Variants in OPCML observed in about 807,000 individuals in gnomAD.
The protein encoded by OPCML is opioid-binding protein/cell adhesion molecule.
In OPCML, 13 loss-of-function variants were observed where a neutral mutation model predicts 37.8. That is an observed-to-expected ratio of 0.34 (90% CI 0.22 to 0.55). The LOEUF (loss-of-function observed/expected upper bound fraction) is 0.55, where lower values mean the gene tolerates loss of function less well. Ranked by LOEUF, OPCML falls within the 20% of genes least tolerant of loss-of-function variation. OPCML has a pLI of 0.91. For synonymous variants in OPCML, 176 were observed against 168.8 expected, an observed-to-expected ratio of 1.04 and a Z score of -0.33; for missense variants, 341 against 435.6, an observed-to-expected ratio of 0.78 and a Z score of 1.93.
At chr11:132,516,226 T>C (rs1387774841) in intron 4 of OPCML, among the ~76,000 whole-genome samples, 6 of 152,120 alleles carry the variant, frequency 3.9e-5, no homozygotes, top group African/African-American at 2.4e-5. Context: ...ATAGTTATAG[T>C]GGGGGAAATG....
chr11:133,508,251 C>G (rs781002022), intron 1 of OPCML, among the ~76,000 whole-genome samples: 1 of 152,090 alleles, frequency 6.6e-6, no homozygotes. Flanking sequence ...AGAAAATGTG[C>G]TTGGGCTGGG....
chr11:133,120,151 GCTT>G lies in OPCML; in HGVS notation c.62-177144_62-177142del, dbSNP rs140025495. ...TCAGCCTCTGGGTCCCCAGAGAATA[GCTT>G]CTTATCTATTGGCATATATACATGT... On this transcript the variant is annotated intron_variant, in intron 1 of 7. Coordinates refer to ENST00000524381, the MANE Select transcript of OPCML (RefSeq NM_001012393.5). Among the ~76,000 whole-genome samples the G allele has an allele frequency of 1.7e-3, 263 of 152,202 alleles. 2 individuals are homozygous for G. Among genetic ancestry groups the G allele is most frequent in the African/African-American group, 6.2e-3 (259 of 41,526 alleles).
At chr11:132,818,608 TGATAGATA>T (rs79980111) in intron 2 of OPCML, among the ~76,000 whole-genome samples, 18 of 129,174 alleles carry the variant, frequency 1.4e-4, no homozygotes, top group African/African-American at 3.8e-4. Flanking sequence ...GATAGATAGA[TGATAGATA>T]GATAGATAAA....
chr11:133,045,328 G>A (rs1279290677), intron 1 of OPCML, among the ~76,000 whole-genome samples: 1 of 152,178 alleles, frequency 6.6e-6, no homozygotes, highest in Non-Finnish European at 1.5e-5. Flanking sequence ...CCTCCTCTAT[G>A]GTCTTCGCTA....
Position 133,207,195 on chromosome 11 carries a change from G to A in OPCML, c.62-264185C>T, listed in dbSNP as rs183981763. ...GGCACCTGTTGTCCCAGCTACTCGG[G>A]AGGCTGAGGCAGGAGAATGGCGTGA... On this transcript the variant is annotated intron_variant, in intron 1 of 7. Transcript: ENST00000524381. Among the ~76,000 whole-genome samples, 895 of 151,870 alleles carry A rather than the reference G, an allele frequency of 5.9e-3. 7 individuals are homozygous for A. Among genetic ancestry groups the A allele is most frequent in the African/African-American group, 0.021 (852 of 41,400 alleles).
At chr11:132,479,041 C>A (rs867021079) in intron 4 of OPCML, among the ~76,000 whole-genome samples, 1 of 151,928 alleles carries the variant, frequency 6.6e-6, no homozygotes, top group Admixed American at 6.6e-5. Context: ...GCCAAGATGG[C>A]CGAATAGGAA....
At chr11:133,069,662 A>G (rs1442247611) in intron 1 of OPCML, among the ~76,000 whole-genome samples, 7 of 152,224 alleles carry the variant, frequency 4.6e-5, no homozygotes, top group African/African-American at 9.6e-5. Flanking sequence ...TGTGTGCACA[A>G]GTTTCCAAAG....
chr11:133,299,419 C>T (rs1753886906), intron 1 of OPCML: 1 of 152,256 alleles, frequency 6.6e-6, no homozygotes, highest in Non-Finnish European at 1.5e-5. Flanking sequence ...TTATGAACAT[C>T]ACCTTGCTTA....
At chr11:133,490,597 G>A (rs1038556610) in intron 1 of OPCML, among the ~76,000 whole-genome samples, 2 of 152,134 alleles carry the variant, frequency 1.3e-5, no homozygotes, top group African/African-American at 4.8e-5. Context: ...ATGGAAGCCC[G>A]GGTCAGCCCA....
chr11:133,108,945 C>T (rs991795690), intron 1 of OPCML, among the ~76,000 whole-genome samples: 1 of 152,164 alleles, frequency 6.6e-6, no homozygotes, highest in Non-Finnish European at 1.5e-5. Flanking sequence ...CCTTTGCAGG[C>T]CTCATGAGGA....
intron 2 of OPCML, among the ~76,000 whole-genome samples, chr11:132,919,939 A>C (rs573276992): frequency 3.6e-4 from 55 of 152,322 alleles, no homozygotes; most frequent in Middle Eastern, 6.8e-3. Flanking sequence ...GTCTAGCATA[A>C]GCAAATTCAT....
intron 1 of OPCML, among the ~76,000 whole-genome samples, chr11:133,519,268 T>G (rs1346162331): frequency 6.6e-6 from 1 of 152,164 alleles, no homozygotes; most frequent in Non-Finnish European, 1.5e-5. Flanking sequence ...TACCACCAAA[T>G]GTTCAATGCA....
intron 1 of OPCML, among the ~76,000 whole-genome samples, chr11:133,134,703 G>T (rs563841690): frequency 6.6e-6 from 1 of 152,224 alleles, no homozygotes; most frequent in East Asian, 1.9e-4. Context: ...CCCTGCAAAG[G>T]AGCCCAGCCC....
At chr11:133,439,520 T>G (rs1288410787) in intron 1 of OPCML, 3 of 812,686 alleles carry the variant, frequency 3.7e-6, no homozygotes, top group Non-Finnish European at 3.0e-6. Flanking sequence ...CAGGCTGGAG[T>G]GCAGTGGCTC....
At chr11:133,184,008 G>A (rs1026205159) in intron 1 of OPCML, among the ~76,000 whole-genome samples, 4 of 152,098 alleles carry the variant, frequency 2.6e-5, no homozygotes, top group Non-Finnish European at 4.4e-5. Context: ...TTGATAAAAC[G>A]CAGTGTAGCT....
At chr11:132,712,990 A>G (rs1019691583) in intron 2 of OPCML, among the ~76,000 whole-genome samples, 3 of 152,194 alleles carry the variant, frequency 2.0e-5, no homozygotes, top group Admixed American at 6.5e-5. Flanking sequence ...GACCTCTGCT[A>G]GCCAGGGTGG....
At chr11:133,010,307 A>G (rs1253316941) in intron 1 of OPCML, among the ~76,000 whole-genome samples, 2 of 152,204 alleles carry the variant, frequency 1.3e-5, no homozygotes, top group Non-Finnish European at 2.9e-5. Context: ...AATGTTTGCT[A>G]TACAGAAAGT....
At chr11:133,343,568 C>G (rs1459469641) in intron 1 of OPCML, among the ~76,000 whole-genome samples, 2 of 152,062 alleles carry the variant, frequency 1.3e-5, no homozygotes, top group Non-Finnish European at 2.9e-5. Context: ...CTTTTTTTCT[C>G]TAGGGTTAGA....
chr11:133,073,225 T>C (rs1184616276), intron 1 of OPCML, among the ~76,000 whole-genome samples: 1 of 152,192 alleles, frequency 6.6e-6, no homozygotes, highest in Non-Finnish European at 1.5e-5. Context: ...CCAAGTTTCC[T>C]TCAGGCACCA....
Sources: allele counts gnomAD v4.1 joint callset (sites outside exome capture counted in the v4.1 genomes callset), GRCh38; gene constraint gnomAD v4.1.1; transcripts MANE v1.5; gene names NCBI Gene and HGNC (gene_info 2026-07-23, HGNC 2026-07-21).